Variants in DPP10 observed in about 807,000 individuals in gnomAD.
DPP10 encodes inactive dipeptidyl peptidase 10.
DPP10 carries 33 observed loss-of-function variants against 120.9 expected under a neutral mutation model. The ratio of observed to expected loss-of-function variants is 0.27; its 90% CI spans 0.21 to 0.37. The LOEUF is 0.37. Among genes scored for constraint, DPP10 ranks in the 10% least tolerant of loss-of-function variants. DPP10 has a pLI of 1.00. For missense variants in DPP10, 816 were observed against 942.8 expected (o/e 0.87, Z 1.76); for synonymous variants, 337 against 326.1 (o/e 1.03, Z -0.36).
chr2:115,573,622 C>G (rs1283718883), intron 5 of DPP10, among the ~76,000 whole-genome samples: 37 of 126,226 alleles, frequency 2.9e-4, no homozygotes, highest in African/African-American at 9.9e-4. Flanking sequence ...GAGTCTCACT[C>G]TGTCACCCAG....
intron 3 of DPP10, among the ~76,000 whole-genome samples, chr2:115,481,751 C>A (rs1469084486): frequency 6.6e-6 from 1 of 152,000 alleles, no homozygotes; most frequent in East Asian, 1.9e-4. Flanking sequence ...CAGGGTTCAT[C>A]TATCTTGTAC....
intron 1 of DPP10, among the ~76,000 whole-genome samples, chr2:114,832,565 A>G (rs989221230): frequency 6.6e-6 from 1 of 152,228 alleles, no homozygotes; most frequent in Non-Finnish European, 1.5e-5. Flanking sequence ...GAATAAATAA[A>G]CAAATTACCT....
intron 1 of DPP10, among the ~76,000 whole-genome samples, chr2:114,854,123 G>A (rs180711187): frequency 2.0e-5 from 3 of 152,318 alleles, no homozygotes; most frequent in East Asian, 3.9e-4. Flanking sequence ...GAGAGGTTAA[G>A]TCACTTGGGT....
chr2:114,733,514 C>T (rs1276695132), intron 1 of DPP10, among the ~76,000 whole-genome samples: 2 of 152,096 alleles, frequency 1.3e-5, no homozygotes, highest in African/African-American at 4.8e-5. Flanking sequence ...CAAGTAAGAA[C>T]ATCTATTTCC....
intron 3 of DPP10, among the ~76,000 whole-genome samples, chr2:115,376,066 C>G (rs944952046): frequency 6.6e-6 from 1 of 151,862 alleles, no homozygotes; most frequent in African/African-American, 2.4e-5. Context: ...GGAGCTGATG[C>G]AGTAAATTTA....
chr2:115,239,999 T>C (rs1310350080), intron 1 of DPP10, among the ~76,000 whole-genome samples: 1 of 152,224 alleles, frequency 6.6e-6, no homozygotes, highest in Admixed American at 6.5e-5. Flanking sequence ...ATCCAGTCTA[T>C]CATTGATGGA....
At chr2:114,942,135 C>T (rs1426633587) in intron 1 of DPP10, among the ~76,000 whole-genome samples, 6 of 150,184 alleles carry the variant, frequency 4.0e-5, no homozygotes, top group East Asian at 3.9e-4. Context: ...TAGCCAGGCG[C>T]GGTGGTGGGT....
chr2:114,513,585 A>G (rs1337202764), intron 1 of DPP10, among the ~76,000 whole-genome samples: 1 of 149,492 alleles, frequency 6.7e-6, no homozygotes, highest in Admixed American at 6.6e-5. Flanking sequence ...TGAATATCTG[A>G]GGCTTTAGAA....
intron 19 of DPP10, among the ~76,000 whole-genome samples, chr2:115,810,155 C>G (rs2150016842): frequency 6.7e-6 from 1 of 148,878 alleles, no homozygotes; most frequent in South Asian, 2.2e-4. Flanking sequence ...GAGCGAGACT[C>G]CATCTCGAAA....
At chr2:114,519,358 T>A (rs887867430) in intron 1 of DPP10, among the ~76,000 whole-genome samples, 6 of 152,236 alleles carry the variant, frequency 3.9e-5, no homozygotes, top group African/African-American at 1.4e-4. Context: ...TACTAGCTTT[T>A]ATTTATTTTA....
Position 115,675,982 on chromosome 2 carries a change from A to C in DPP10, c.442-13705A>C, listed in dbSNP as rs182737645. ...AGCTGTGACTGTTGTACTGAAGCAC[A>C]TGCAGGACCCTCCATCCTAGAGTAT... On this transcript the variant is annotated intron_variant, in intron 5 of 25. Coordinates refer to ENST00000410059, the MANE Select transcript of DPP10 (RefSeq NM_020868.6). Among the ~76,000 whole-genome samples, 124 of 152,310 alleles carry C rather than the reference A, an allele frequency of 8.1e-4. 5 individuals carry two copies. Among genetic ancestry groups the C allele is most frequent in the African/African-American group, 3.1e-4 (13 of 41,584 alleles).
At chr2:115,568,920 C>T (rs1016368345) in intron 5 of DPP10, among the ~76,000 whole-genome samples, 56 of 152,114 alleles carry the variant, frequency 3.7e-4, no homozygotes. Flanking sequence ...GCATTTTAAT[C>T]CTTTCTTATT....
At position 115,489,828 on chromosome 2, in the gene DPP10, C is replaced by T. The variant is rs558544647; in HGVS notation, c.272-9682C>T. Among the ~76,000 whole-genome samples the T allele has an allele frequency of 2.0e-4, 30 of 152,204 alleles. No individual in the cohort carries two copies. The South Asian group carries it at 5.2e-3, about 26-fold the overall frequency. ...CAGACCTTCCCTTTCCCAAGCCTTT[C>T]CCAGATCTAGGGGAGATTAGCTGAC... On this transcript the variant is annotated intron_variant, in intron 3 of 25. Coordinates refer to ENST00000410059, the MANE Select transcript of DPP10 (RefSeq NM_020868.6).
chr2:114,996,875 G>A (rs1313588953), intron 1 of DPP10, among the ~76,000 whole-genome samples: 5 of 151,512 alleles, frequency 3.3e-5, no homozygotes, highest in Admixed American at 6.6e-5. Flanking sequence ...CCAGCTACTC[G>A]GGAGTCTGAG....
intron 1 of DPP10, among the ~76,000 whole-genome samples, chr2:114,859,146 G>A (rs1375735003): frequency 6.6e-6 from 1 of 151,464 alleles, no homozygotes; most frequent in East Asian, 1.9e-4. Context: ...GGCCAAGATA[G>A]CGAAACTCTG....
chr2:114,920,419 T>A (rs1016817008), intron 1 of DPP10, among the ~76,000 whole-genome samples: 3 of 152,132 alleles, frequency 2.0e-5, no homozygotes, highest in Non-Finnish European at 4.4e-5. Context: ...TCCTCTCCCA[T>A]CTCCATACGT....
At chr2:114,909,172 C>T (rs947042789) in intron 1 of DPP10, among the ~76,000 whole-genome samples, 2 of 151,836 alleles carry the variant, frequency 1.3e-5, no homozygotes, top group Non-Finnish European at 2.9e-5. Flanking sequence ...GTTTCACCCA[C>T]CTATCAGCTA....
intron 1 of DPP10, among the ~76,000 whole-genome samples, chr2:114,550,759 T>C (rs961992854): frequency 1.3e-5 from 2 of 151,646 alleles, no homozygotes; most frequent in African/African-American, 4.9e-5. Flanking sequence ...CTGATTAATT[T>C]GTCTGTGTTT....
At chr2:115,428,893 T>C (rs1559591680) in intron 3 of DPP10, among the ~76,000 whole-genome samples, 1 of 152,160 alleles carries the variant, frequency 6.6e-6, no homozygotes, top group African/African-American at 2.4e-5. Flanking sequence ...TCGGACCTTA[T>C]ATTTAGATGG....
Sources: gnomAD v4.1 joint callset for allele counts (sites outside exome capture counted in the v4.1 genomes callset) on GRCh38, gnomAD v4.1.1 for gene constraint, MANE v1.5 for transcripts, NCBI Gene and HGNC (gene_info 2026-07-23, HGNC 2026-07-21) for gene names.